Variants in ELAPOR2 observed in about 807,000 individuals in gnomAD.
ELAPOR2 encodes endosome-lysosome associated apoptosis and autophagy regulator family member 2.
ELAPOR2 carries 89 observed loss-of-function variants against 120.7 expected under a neutral mutation model. The ratio of observed to expected loss-of-function variants is 0.74; its 90% CI spans 0.62 to 0.88. The LOEUF is 0.88. Among genes scored for constraint, ELAPOR2 ranks in the 40% least tolerant of loss-of-function variants. The probability of loss-of-function intolerance (pLI) is 0.00; values close to 1 mark genes in which losing one functional copy is unlikely to be tolerated. For missense variants in ELAPOR2, 1,134 were observed against 1,251.6 expected (o/e 0.91, Z 1.42); for synonymous variants, 444 against 444.9 (o/e 1.00, Z 0.03).
In ELAPOR2 at chr7:87,023,568, T is replaced by G. The variant is rs982509073; in HGVS notation, c.189+35757A>C. Among the ~76,000 whole-genome samples, 17 of 152,174 alleles carry G rather than the reference T, an allele frequency of 1.1e-4. 1 individual carries two copies. Among genetic ancestry groups the G allele is most frequent in the East Asian group, 1.9e-4 (1 of 5,182 alleles). On this transcript the variant is annotated intron_variant, in intron 1 of 21. Coordinates refer to ENST00000450689, the MANE Select transcript of ELAPOR2 (RefSeq NM_001142749.3). ...TGCGGGCTCTTTTTTGGTTCCATAT[T>G]AACTTTAAAGTAGTTTTTTCCAGTT...
In ELAPOR2 at chr7:86,880,361, T is replaced by G. The variant is rs1199542283; in HGVS notation, c.*110A>C. 1 of 809,328 alleles carries G rather than the reference T, an allele frequency of 1.2e-6. No individual in the cohort carries two copies. The highest frequency in any genetic ancestry group is 2.1e-6 in the Non-Finnish European group (1 of 471,848). The allele number at this position is 809,328 out of a possible 1,614,324, so 50.1% of individuals were successfully genotyped here. On this transcript the variant is annotated 3_prime_UTR_variant, in exon 22 of 22. Coordinates refer to ENST00000450689, the MANE Select transcript of ELAPOR2 (RefSeq NM_001142749.3). ...TCCCTTTTCAGCGGCATGGCCCTCC[T>G]CTGTGAGATCACCAATGTGACAGGT...
intron 1 of ELAPOR2, among the ~76,000 whole-genome samples, chr7:86,987,659 G>A (rs78788403): frequency 0.37 from 55,446 of 149,026 alleles, 11,163 homozygotes; most frequent in African/African-American, 0.52. Context: ...ACCATCTCAC[G>A]CTAGTTAGAA....
At chr7:86,942,968 A>G (rs1434457712) in intron 4 of ELAPOR2, among the ~76,000 whole-genome samples, 1 of 152,086 alleles carries the variant, frequency 6.6e-6, no homozygotes, top group African/African-American at 2.4e-5. Flanking sequence ...CTTAAGAGCT[A>G]TTCCCTAAAG....
At chr7:86,979,521 C>T (rs979635758) in intron 1 of ELAPOR2, among the ~76,000 whole-genome samples, 1 of 152,192 alleles carries the variant, frequency 6.6e-6, no homozygotes, top group African/African-American at 2.4e-5. Flanking sequence ...CCAGCCCTAA[C>T]TTATGGGATG....
chr7:86,978,959 A>T (rs1223998931), intron 1 of ELAPOR2, among the ~76,000 whole-genome samples: 1 of 152,216 alleles, frequency 6.6e-6, no homozygotes, highest in East Asian at 1.9e-4. Context: ...TGAAATGCAG[A>T]TTTGAAGACT....
At chr7:86,881,414 T>C (rs1799397168) in intron 21 of ELAPOR2, among the ~76,000 whole-genome samples, 2 of 150,514 alleles carry the variant, frequency 1.3e-5, no homozygotes, top group Non-Finnish European at 3.0e-5. Flanking sequence ...TGGAGTACAA[T>C]GGTGCAATCT....
intron 5 of ELAPOR2, among the ~76,000 whole-genome samples, chr7:86,941,023 G>C (rs1213341062): frequency 1.3e-5 from 2 of 152,002 alleles, no homozygotes; most frequent in Non-Finnish European, 2.9e-5. Context: ...CAGGTATACA[G>C]ATTTTTAAAA....
At chr7:86,985,845 G>T (rs185762981) in intron 1 of ELAPOR2, among the ~76,000 whole-genome samples, 1 of 151,184 alleles carries the variant, frequency 6.6e-6, no homozygotes, top group Non-Finnish European at 1.5e-5. Context: ...AGGCCCCAGT[G>T]TGTGATGTTC....
intron 1 of ELAPOR2, among the ~76,000 whole-genome samples, chr7:87,058,544 C>G (rs1057165654): frequency 6.6e-6 from 1 of 152,172 alleles, no homozygotes; most frequent in Non-Finnish European, 1.5e-5. Context: ...GGCACACTGT[C>G]TCGTTCTTCT....
intron 1 of ELAPOR2, among the ~76,000 whole-genome samples, chr7:87,040,726 G>T (rs551426710): frequency 2.0e-4 from 30 of 152,252 alleles, no homozygotes; most frequent in South Asian, 6.2e-4. Context: ...CCAAAGGAAC[G>T]CAGTTCCTCA....
rs377125379 is a variant in ELAPOR2 at position 86,925,561 on chromosome 7, T to C, written c.1366A>G (p.Asn456Asp). ...LPGNMKTSCFNVGNSKCDGMN... is the reference protein window; with the variant it reads ...LPGNMKTSCFDVGNSKCDGMN... ...CCATCGCACTTTGAATTCCCAACAT[T>C]GAAGCAGGAAGTTTTCATGTTGCCA... Residue 456 changes from asparagine (N) to aspartate (D), a missense_variant, in exon 10 of 22, where the codon AAT (asparagine) becomes GAT (aspartate). Physicochemically the swap from Asn to Asp is conservative, Grantham distance 23 (BLOSUM62 1). Around this residue, in one of 3 missense-constraint regions of ELAPOR2, gnomAD observed 831 missense variants for 867.6 expected, o/e 0.96. Transcript: ENST00000450689. 629 of 1,612,042 alleles carry C rather than the reference T, an allele frequency of 3.9e-4. 1 individual carries two copies. The highest frequency in any genetic ancestry group is 5.0e-4 in the Non-Finnish European group (587 of 1,178,614).
In ELAPOR2 at chr7:86,926,879, C is replaced by T; in HGVS notation, c.1127G>A (p.Cys376Tyr). 1 of 1,516,834 alleles carries T rather than the reference C, an allele frequency of 6.6e-7. No individual in the cohort carries two copies. Among genetic ancestry groups the T allele is most frequent in the East Asian group, 2.5e-5 (1 of 40,450 alleles). 94.0% of individuals were successfully genotyped at this position (1,516,834 alleles called of 1,614,324 possible). The change falls in exon 9 of 22, where the codon TGC (cysteine) becomes TAC (tyrosine). Residue 376 changes from cysteine (C) to tyrosine (Y), a missense_variant. By Grantham distance (194) the Cys-to-Tyr change is radical. This residue lies in a region of ELAPOR2 where 831 missense variants were observed against 867.6 expected (regional missense o/e 0.96). Transcript: ENST00000450689. ...AATAGCATCTGTGAGATCCTCCCGGCAGATTTTGGGCTCTATCCACTTGTA... is the reference window on the plus strand; with the variant it reads ...AATAGCATCTGTGAGATCCTCCCGGTAGATTTTGGGCTCTATCCACTTGTA... ...IMYKWIEPKI[C>Y]REDLTDAIRL... is the part of the protein sequence containing the mutation.
intron 21 of ELAPOR2, among the ~76,000 whole-genome samples, chr7:86,882,767 A>C (rs1020547818): frequency 6.6e-6 from 1 of 152,202 alleles, no homozygotes; most frequent in Admixed American, 6.5e-5. Context: ...CTTGGGAGAC[A>C]TGACTTCTAA....
At chr7:86,892,088 G>A (rs1277940760) in intron 20 of ELAPOR2, among the ~76,000 whole-genome samples, 199 bp from the exon 21 acceptor site, 1 of 151,876 alleles carries the variant, frequency 6.6e-6, no homozygotes, top group Non-Finnish European at 1.5e-5. Flanking sequence ...TATTTCCCAG[G>A]ATGTCAGAAA....
chr7:86,951,462 C>A (rs1396276779), intron 2 of ELAPOR2, among the ~76,000 whole-genome samples: 2 of 152,218 alleles, frequency 1.3e-5, no homozygotes, highest in African/African-American at 4.8e-5. Flanking sequence ...TTGGAATGTT[C>A]ACTGCCCTGT....
intron 1 of ELAPOR2, among the ~76,000 whole-genome samples, chr7:86,989,587 C>A (rs1047698752): frequency 3.9e-5 from 6 of 152,282 alleles, no homozygotes; most frequent in African/African-American, 1.4e-4. Flanking sequence ...ATGAAACTTT[C>A]GAGCCAGATT....
intron 1 of ELAPOR2, among the ~76,000 whole-genome samples, chr7:87,022,032 G>T (rs377732108): frequency 8.5e-5 from 13 of 152,218 alleles, no homozygotes; most frequent in African/African-American, 2.2e-4. Context: ...GGCCTCAGCA[G>T]TTGACAGCCA....
intron 1 of ELAPOR2, among the ~76,000 whole-genome samples, chr7:86,977,301 C>T (rs1792314820): frequency 6.6e-6 from 1 of 152,206 alleles, no homozygotes; most frequent in Non-Finnish European, 1.5e-5. Context: ...GTGCCTAACT[C>T]TAAAGCCTGT....
intron 1 of ELAPOR2, among the ~76,000 whole-genome samples, chr7:86,966,938 C>G: frequency 6.6e-6 from 1 of 152,052 alleles, no homozygotes; most frequent in South Asian, 2.1e-4. Context: ...ATCCCAGTAA[C>G]CTCACTTTCT....
Sources: allele counts gnomAD v4.1 joint callset (sites outside exome capture counted in the v4.1 genomes callset), GRCh38; gene constraint gnomAD v4.1.1; regional missense constraint gnomAD v4.1.1; transcripts MANE v1.5; gene names NCBI Gene and HGNC (gene_info 2026-07-23, HGNC 2026-07-21).